The following BPGM variants were observed in gnomAD, a reference collection of about 807,000 sequenced individuals.
The protein encoded by BPGM is bisphosphoglycerate mutase, also known as 2,3-bisphosphoglycerate mutase, erythrocyte.
Under a neutral mutation model 21.6 loss-of-function variants are expected in BPGM, and 15 were observed. The ratio of observed to expected loss-of-function variants is 0.70; its 90% CI spans 0.47 to 1.07. The LOEUF is 1.07. Among genes scored for constraint, BPGM ranks in the 50% least tolerant of loss-of-function variants. The probability of loss-of-function intolerance (pLI) is 0.00; values close to 1 mark genes in which losing one functional copy is unlikely to be tolerated. For missense variants in BPGM, 273 were observed against 319.0 expected (o/e 0.86, Z 1.10); for synonymous variants, 113 against 116.2 (o/e 0.97, Z 0.18).
rs988226156 is a variant in BPGM, at chr7:134,646,917, C to T, written c.-82C>T. The T allele has an allele frequency of 2.1e-5, 4 of 190,354 alleles. No homozygotes were observed. The highest frequency in any genetic ancestry group is 4.5e-5 in the Non-Finnish European group (4 of 88,370). 11.8% of individuals were successfully genotyped at this position (190,354 alleles called of 1,614,324 possible). A position where few individuals can be genotyped will look rare whatever the true frequency, so the allele number is the denominator to read the frequency against. ...GGAGCGGCTGCTGCTGCTGCTGCTG[C>T]TGCTGGTGGCCCCTTTGCAGGTGAG... On this transcript the variant is annotated 5_prime_UTR_variant, in exon 1 of 3. Transcript: ENST00000344924.
At chr7:134,647,722 A>G (rs1306713254) in intron 1 of BPGM, among the ~76,000 whole-genome samples, 1 of 152,228 alleles carries the variant, frequency 6.6e-6, no homozygotes, top group African/African-American at 2.4e-5. Context: ...GGGAAAAATC[A>G]AAAGCTAAGT....
rs192785290 is a variant in BPGM at position 134,656,758 on chromosome 7, A to G, written c.-61-4689A>G. On this transcript the variant is annotated intron_variant, in intron 1 of 2. Coordinates refer to ENST00000344924, the MANE Select transcript of BPGM (RefSeq NM_001724.5). Reference sequence around the variant, plus strand: ...ATTATGGGAACTACAATTCAAGATGAAATTTGGTCTTGGCCCCTCCCAAAT... The same window carrying G: ...ATTATGGGAACTACAATTCAAGATGGAATTTGGTCTTGGCCCCTCCCAAAT... 1.6e-3 allele frequency among the ~76,000 whole-genome samples: 249 copies of G among 152,286 alleles called. 2 individuals carry two copies. Among genetic ancestry groups the G allele is most frequent in the African/African-American group, 5.8e-3 (239 of 41,554 alleles).
At chr7:134,673,749 TCTC>T (rs946682020) in intron 2 of BPGM, among the ~76,000 whole-genome samples, 6 of 152,000 alleles carry the variant, frequency 3.9e-5, no homozygotes, top group Non-Finnish European at 7.4e-5. Context: ...CATTCTTCTC[TCTC>T]CTCCTCAGTA....
chr7:134,673,153 G>C (rs899623024), intron 2 of BPGM, among the ~76,000 whole-genome samples: 1 of 151,942 alleles, frequency 6.6e-6, no homozygotes, highest in African/African-American at 2.4e-5. Flanking sequence ...CAGCCTGGGC[G>C]ACAGAGCGAG....
At chr7:134,670,950 A>T (rs1795894109) in intron 2 of BPGM, among the ~76,000 whole-genome samples, 1 of 152,200 alleles carries the variant, frequency 6.6e-6, no homozygotes, top group African/African-American at 2.4e-5. Context: ...TTTGGAGAAA[A>T]TCAAAGAACA....
At chr7:134,664,262 G>T (rs1795780125) in intron 2 of BPGM, among the ~76,000 whole-genome samples, 2 of 152,148 alleles carry the variant, frequency 1.3e-5, no homozygotes, top group African/African-American at 4.8e-5. Flanking sequence ...CTAGGGGCTG[G>T]AAGTCCCAAA....
At position 134,679,463 on chromosome 7, in the gene BPGM, G is replaced by A. The variant is rs534540271; in HGVS notation, c.*432G>A. On this transcript the variant is annotated 3_prime_UTR_variant, in exon 3 of 3. Coordinates refer to ENST00000344924, the MANE Select transcript of BPGM (RefSeq NM_001724.5). ...AGTAAGGGATATTAGATAATATACCGTATGTATTTATTACTAGTCTTTTCC... is the reference window on the plus strand; with the variant it reads ...AGTAAGGGATATTAGATAATATACCATATGTATTTATTACTAGTCTTTTCC... 1.4e-4 allele frequency: 23 copies of A among 164,718 alleles called. No homozygotes were observed. The highest frequency in any genetic ancestry group is 5.1e-4 in the East Asian group (3 of 5,910). The allele number at this position is 164,718 out of a possible 1,614,324, so 10.2% of individuals were successfully genotyped here.
chr7:134,659,622 T>C (rs973489200), intron 1 of BPGM, among the ~76,000 whole-genome samples: 1 of 152,180 alleles, frequency 6.6e-6, no homozygotes, highest in Non-Finnish European at 1.5e-5. Context: ...CTCTGTGGGA[T>C]GCTTTAATCT....
At chr7:134,678,739 C>A in intron 2 of BPGM, 114 bp from the exon 3 acceptor site, 1 of 1,061,212 alleles carries the variant, frequency 9.4e-7, no homozygotes, top group Non-Finnish European at 1.5e-6. Flanking sequence ...TCCCTCAGTA[C>A]CTGCATGTTT....
intron 1 of BPGM, among the ~76,000 whole-genome samples, chr7:134,656,308 T>C (rs184557616): frequency 8.0e-4 from 122 of 152,308 alleles, no homozygotes; most frequent in African/African-American, 2.1e-3. Context: ...CTGGTTCACA[T>C]TGAGATATGC....
At chr7:134,647,481 AC>A (rs1335963713) in intron 1 of BPGM, among the ~76,000 whole-genome samples, 1 of 152,194 alleles carries the variant, frequency 6.6e-6, no homozygotes, top group Non-Finnish European at 1.5e-5. Context: ...AGAAATAAAA[AC>A]GTAAGTGTAT....
chr7:134,673,414 T>C (rs748161674), intron 2 of BPGM, among the ~76,000 whole-genome samples: 11 of 152,192 alleles, frequency 7.2e-5, no homozygotes, highest in Non-Finnish European at 1.5e-4. Flanking sequence ...TTTGTTTATT[T>C]GGCTCTTTAA....
intron 2 of BPGM, among the ~76,000 whole-genome samples, chr7:134,673,565 G>C (rs1348426189): frequency 1.3e-5 from 2 of 152,178 alleles, no homozygotes; most frequent in Non-Finnish European, 2.9e-5. Flanking sequence ...CCTGGAACTC[G>C]TTTCTAAAGT....
At chr7:134,650,987 C>G (rs1795547523) in intron 1 of BPGM, among the ~76,000 whole-genome samples, 1 of 152,136 alleles carries the variant, frequency 6.6e-6, no homozygotes, top group Admixed American at 6.5e-5. Context: ...GAGACCTGTT[C>G]CTTTTTACTT....
intron 1 of BPGM, among the ~76,000 whole-genome samples, chr7:134,651,035 A>G (rs1795548236): frequency 6.6e-6 from 1 of 152,194 alleles, no homozygotes; most frequent in Non-Finnish European, 1.5e-5. Context: ...TCCTCAAATA[A>G]TAGCCAGCCC....
At chr7:134,652,478 T>C (rs773823616) in intron 1 of BPGM, among the ~76,000 whole-genome samples, 1 of 152,210 alleles carries the variant, frequency 6.6e-6, no homozygotes, top group Non-Finnish European at 1.5e-5. Flanking sequence ...CATTTATTTT[T>C]TGTGTGTTGG....
intron 2 of BPGM, among the ~76,000 whole-genome samples, chr7:134,668,432 G>C (rs1205994228): frequency 6.6e-6 from 1 of 152,120 alleles, no homozygotes; most frequent in African/African-American, 2.4e-5. Flanking sequence ...ACTATAAAAA[G>C]GTAATTTAAT....
intron 1 of BPGM, among the ~76,000 whole-genome samples, chr7:134,659,070 T>C (rs891537523): frequency 6.6e-6 from 1 of 152,172 alleles, no homozygotes; most frequent in African/African-American, 2.4e-5. Context: ...TGCTTCTGTC[T>C]ACAAAATTTG....
intron 2 of BPGM, among the ~76,000 whole-genome samples, chr7:134,674,312 A>G (rs967914395): frequency 6.6e-6 from 1 of 152,220 alleles, no homozygotes; most frequent in African/African-American, 2.4e-5. Flanking sequence ...TGTATTCACA[A>G]AATTGTAAAT....
Sources: gnomAD v4.1 joint callset for allele counts (sites outside exome capture counted in the v4.1 genomes callset) on GRCh38, gnomAD v4.1.1 for gene constraint, MANE v1.5 for transcripts, NCBI Gene and HGNC (gene_info 2026-07-23, HGNC 2026-07-21) for gene names.